VEPH1: variants seen among roughly 807,000 people sequenced by gnomAD.
VEPH1 encodes ventricular zone expressed PH domain containing 1, also known as ventricular zone-expressed PH domain-containing protein homolog 1.
Under a neutral mutation model 85.2 loss-of-function variants are expected in VEPH1, and 80 were observed. The ratio of observed to expected loss-of-function variants is 0.94; its 90% confidence interval spans 0.78 to 1.13. The LOEUF is 1.13. Among genes scored for constraint, VEPH1 ranks in the 50% most tolerant of loss-of-function variants. The probability of loss-of-function intolerance (pLI) is 0.00; values close to 1 mark genes in which losing one functional copy is unlikely to be tolerated. For synonymous variants in VEPH1, 297 were observed against 348.0 expected, an observed-to-expected ratio of 0.85 and a Z score of 1.63; for missense variants, 955 against 980.5, an observed-to-expected ratio of 0.97 and a Z score of 0.35.
At chr3:157,500,788 A>G (rs1471951576) in intron 1 of VEPH1, among the ~76,000 whole-genome samples, 15 of 152,136 alleles carry the variant, frequency 9.9e-5, no homozygotes, top group African/African-American at 3.6e-4. Context: ...GAACTCCAGT[A>G]AGAAGAGCAG....
rs1286524458 is a variant in VEPH1 at position 157,321,975 on chromosome 3, T to A, written c.1736-4774A>T. The stretch of plus-strand genomic sequence containing the variant: ...ACTTTATGGATAATATGGTTTAAAA[T>A]TTAAACCATTTTTAGGTGCACAATT... On this transcript the variant is annotated intron_variant, in intron 9 of 13. Transcript: ENST00000362010. 2.0e-5 allele frequency among the ~76,000 whole-genome samples: 3 copies of A among 152,304 alleles called. No individual in the cohort carries two copies. The East Asian group carries it at 5.8e-4, about 29-fold the overall frequency.
Position 157,413,982 on chromosome 3 carries a change from A to G in VEPH1, c.805T>C (p.Leu269=), listed in dbSNP as rs902839531. The G allele has an allele frequency of 1.2e-6, 2 of 1,613,542 alleles. No homozygotes were observed. Among genetic ancestry groups the G allele is most frequent in the African/African-American group, 2.7e-5 (2 of 74,874 alleles). ...IEIAVYEPVA[L]NSFLPMLKEI... ...TTCAGCATTGGAAGAAAACTGTTCA[A>G]AGCCACTGGCTCATAGACTGCTATC... The change falls in exon 6 of 14, where the codon TTG becomes CTG. Residue 269 remains leucine, a synonymous_variant. Transcript: ENST00000362010.
At chr3:157,450,391 A>T (rs945178189) in intron 4 of VEPH1, among the ~76,000 whole-genome samples, 1 of 151,864 alleles carries the variant, frequency 6.6e-6, no homozygotes, top group African/African-American at 2.4e-5. Flanking sequence ...GACAATTATC[A>T]CATTTTTCTA....
At chr3:157,467,276 T>C (rs1736477347) in intron 3 of VEPH1, among the ~76,000 whole-genome samples, 1 of 152,094 alleles carries the variant, frequency 6.6e-6, no homozygotes, top group South Asian at 2.1e-4. Context: ...CTGGGTTGCT[T>C]ATCTGGGGAG....
chr3:157,302,620 A>G (rs1718935427), intron 11 of VEPH1, among the ~76,000 whole-genome samples: 1 of 152,240 alleles, frequency 6.6e-6, no homozygotes, highest in South Asian at 2.1e-4. Context: ...CCCAGCCTCC[A>G]GAACTGTAAG....
At chr3:157,286,424 A>G in intron 12 of VEPH1, 133 bp downstream of exon 12, 1 of 744,316 alleles carries the variant, frequency 1.3e-6, no homozygotes, top group Admixed American at 2.2e-5. Flanking sequence ...AGCACAAAGC[A>G]GGGACATGAC....
chr3:157,381,426 C>T, intron 6 of VEPH1, 50 bp from the exon 7 acceptor site: 4 of 1,588,594 alleles, frequency 2.5e-6, no homozygotes, highest in Non-Finnish European at 3.5e-6. Context: ...AGAAAATCAT[C>T]CAGGCATGGT....
rs753429035 is a variant in VEPH1, at chr3:157,364,355, A to G, written c.1285T>C (p.Tyr429His). The change falls in exon 8 of 14, where the codon TAT (tyrosine) becomes CAT (histidine). Residue 429 changes from tyrosine to histidine, a missense_variant. Coordinates refer to ENST00000362010, the MANE Select transcript of VEPH1 (RefSeq NM_001167912.2). The stretch of plus-strand genomic sequence containing the variant: ...TCTTTAGAAACTTGGCCCAGACTAT[A>G]TCTTCTGATAGAGCCAGGGGTATTG... ...GSNTPGSIRR[Y>H]SLGQVSKEER... 6.2e-7 allele frequency: 1 copy of G among 1,613,952 alleles called. No individual in the cohort carries two copies. Among genetic ancestry groups the G allele is most frequent in the Non-Finnish European group, 8.5e-7 (1 of 1,179,932 alleles).
chr3:157,273,672 C>G (rs923076647), intron 12 of VEPH1, among the ~76,000 whole-genome samples: 1 of 152,068 alleles, frequency 6.6e-6, no homozygotes, highest in African/African-American at 2.4e-5. Flanking sequence ...GTGTGAGAAT[C>G]AGAGAGACCA....
chr3:157,344,365 G>C (rs2108665168), intron 9 of VEPH1, among the ~76,000 whole-genome samples: 1 of 152,282 alleles, frequency 6.6e-6, no homozygotes, highest in Admixed American at 6.5e-5. Context: ...AAAATCACAA[G>C]CATTCTTATA....
At chr3:157,270,780 C>T (rs1280539933) in intron 12 of VEPH1, among the ~76,000 whole-genome samples, 1 of 151,922 alleles carries the variant, frequency 6.6e-6, no homozygotes, top group African/African-American at 2.4e-5. Flanking sequence ...TCACAGGGAG[C>T]TTTAATTTAT....
At chr3:157,376,474 A>C (rs1007068905) in intron 7 of VEPH1, among the ~76,000 whole-genome samples, 1 of 152,284 alleles carries the variant, frequency 6.6e-6, no homozygotes, top group East Asian at 1.9e-4. Context: ...AAAGGTATAG[A>C]TCTCTTCTCC....
At chr3:157,331,069 G>A (rs961593607) in intron 9 of VEPH1, among the ~76,000 whole-genome samples, 2 of 152,146 alleles carry the variant, frequency 1.3e-5, no homozygotes, top group African/African-American at 4.8e-5. Flanking sequence ...CTGGATGGAT[G>A]AAACATGACT....
chr3:157,389,497 T>C (rs997131740), intron 6 of VEPH1, among the ~76,000 whole-genome samples: 1 of 152,204 alleles, frequency 6.6e-6, no homozygotes, highest in Non-Finnish European at 1.5e-5. Flanking sequence ...TCTGTGCACA[T>C]CTGTGAATGA....
At chr3:157,304,086 A>C (rs1325014046) in intron 11 of VEPH1, among the ~76,000 whole-genome samples, 1 of 132,920 alleles carries the variant, frequency 7.5e-6, no homozygotes, top group Non-Finnish European at 1.6e-5. Flanking sequence ...CCTTTTATTT[A>C]CTTACTTATG....
chr3:157,498,157 T>C (rs1469067274), intron 1 of VEPH1, among the ~76,000 whole-genome samples: 9 of 152,256 alleles, frequency 5.9e-5, no homozygotes, highest in African/African-American at 2.2e-4. Flanking sequence ...TTTTATTCAG[T>C]GCACTTGTGC....
At chr3:157,435,524 G>A (rs1733499591) in intron 4 of VEPH1, among the ~76,000 whole-genome samples, 3 of 152,126 alleles carry the variant, frequency 2.0e-5, no homozygotes, top group Admixed American at 2.0e-4. Flanking sequence ...ACCCTGTGAG[G>A]GTCCTGGCTT....
chr3:157,475,985 C>A (rs1224914793), intron 2 of VEPH1, among the ~76,000 whole-genome samples: 1 of 152,186 alleles, frequency 6.6e-6, no homozygotes, highest in Non-Finnish European at 1.5e-5. Flanking sequence ...GTATAAACAT[C>A]TTTTATGTTC....
intron 9 of VEPH1, among the ~76,000 whole-genome samples, chr3:157,328,804 T>C (rs1354780578): frequency 6.6e-6 from 1 of 152,178 alleles, no homozygotes; most frequent in Non-Finnish European, 1.5e-5. Context: ...AAAGCTAACA[T>C]TAATTGATTA....
Sources: gnomAD v4.1 joint callset for allele counts (sites outside exome capture counted in the v4.1 genomes callset) on GRCh38, gnomAD v4.1.1 for gene constraint, MANE v1.5 for transcripts, NCBI Gene and HGNC (gene_info 2026-07-23, HGNC 2026-07-21) for gene names.